DSCAM: variants seen among roughly 807,000 people sequenced by gnomAD.
DSCAM encodes cell adhesion molecule DSCAM.
A neutral mutation model predicts 217.7 loss-of-function variants in DSCAM; 47 were observed. The observed-to-expected ratio is 0.22, with a 90% CI of 0.17 to 0.28. The LOEUF (loss-of-function observed/expected upper bound fraction) is 0.28. Ranked by LOEUF, DSCAM falls within the 10% of genes least tolerant of loss-of-function variation. The pLI is 1.00. For synonymous variants in DSCAM, 1,056 were observed against 1,015.3 expected (o/e 1.04, Z -0.76); for missense variants, 2,080 against 2,618.3 (o/e 0.79, Z 4.49).
At chr21:40,284,827 T>C (rs139491835) in intron 10 of DSCAM, among the ~76,000 whole-genome samples, 15 of 152,320 alleles carry the variant, frequency 9.8e-5, no homozygotes, top group Non-Finnish European at 2.1e-4. Flanking sequence ...ACCGTCCAGG[T>C]TACTTCTTTT....
At chr21:40,637,756 T>C (rs11702117) in intron 3 of DSCAM, among the ~76,000 whole-genome samples, 21,796 of 147,666 alleles carry the variant, frequency 0.15, 1,820 homozygotes, top group African/African-American at 0.21. Flanking sequence ...CACTGCAACC[T>C]TTGTCTCCCA....
intron 3 of DSCAM, among the ~76,000 whole-genome samples, chr21:40,668,578 T>C (rs922157697): frequency 1.3e-5 from 2 of 152,270 alleles, no homozygotes; most frequent in East Asian, 1.9e-4. Context: ...TGGGAGCTCA[T>C]TAGAAATGCA....
chr21:40,029,903 C>A (rs1477983589), intron 32 of DSCAM, among the ~76,000 whole-genome samples: 1 of 152,216 alleles, frequency 6.6e-6, no homozygotes, highest in Admixed American at 6.5e-5. Context: ...CTCTGTTCTG[C>A]ACATCACTAA....
At chr21:40,629,910 T>A (rs1169344284) in intron 3 of DSCAM, among the ~76,000 whole-genome samples, 1 of 152,204 alleles carries the variant, frequency 6.6e-6, no homozygotes, top group Non-Finnish European at 1.5e-5. Flanking sequence ...AAAGAAGTTA[T>A]CTGGTAGCAT....
At chr21:40,786,168 G>A (rs1279265764) in intron 1 of DSCAM, among the ~76,000 whole-genome samples, 1 of 152,016 alleles carries the variant, frequency 6.6e-6, no homozygotes, top group Non-Finnish European at 1.5e-5. Context: ...CCTGGGAGGC[G>A]GAGGTTGTGG....
intron 1 of DSCAM, among the ~76,000 whole-genome samples, chr21:40,792,096 T>G (rs1255186706): frequency 6.6e-6 from 1 of 151,286 alleles, no homozygotes; most frequent in Non-Finnish European, 1.5e-5. Flanking sequence ...CACATGGCCA[T>G]CCCTCTTTGT....
Position 40,075,145 on chromosome 21 carries a change from T to C in DSCAM, c.4780A>G (p.Lys1594Glu), listed in dbSNP as rs1298075649. 5 of 1,614,206 alleles carry C rather than the reference T, an allele frequency of 3.1e-6. No individual in the cohort carries two copies. The South Asian group carries it at 5.5e-5, about 18-fold the overall frequency. ...EEGLTTNEGL[K>E]MLVTISCILV... ...ATACAGGAGATGGTCACCAGCATCT[T>C]GAGCCCCTCGTTGGTCGTCAGCCCT... The change falls in exon 27 of 33, where the codon AAG becomes GAG. Residue 1594 changes from lysine (K) to glutamate (E), a missense_variant. Physicochemically the swap from Lys to Glu is moderately conservative, Grantham distance 56 (BLOSUM62 1). Transcript: ENST00000400454.
chr21:40,376,095 G>A (rs1285768098), intron 3 of DSCAM, among the ~76,000 whole-genome samples: 1 of 152,094 alleles, frequency 6.6e-6, no homozygotes, highest in Non-Finnish European at 1.5e-5. Context: ...TCTTGTTGTT[G>A]TGTTTTTCCT....
intron 16 of DSCAM, among the ~76,000 whole-genome samples, chr21:40,152,348 G>A (rs1438625492): frequency 6.6e-6 from 1 of 152,194 alleles, no homozygotes; most frequent in Non-Finnish European, 1.5e-5. Context: ...CTAAGAGAAG[G>A]TCATGCCTGC....
At position 40,640,982 on chromosome 21, in the gene DSCAM, A is replaced by G. The variant is rs2089870754; in HGVS notation, c.508+51828T>C. On this transcript the variant is annotated intron_variant, in intron 3 of 32. Coordinates refer to ENST00000400454, the MANE Select transcript of DSCAM (RefSeq NM_001389.5). ...TCGGAAAGAAATATAAACAGACAAC[A>G]TTATCTAGTCTATTGTGTTCATGTT... 1.3e-5 allele frequency among the ~76,000 whole-genome samples: 2 copies of G among 152,176 alleles called. 1 individual carries two copies. The highest frequency in any genetic ancestry group is 4.1e-4 in the South Asian group (2 of 4,824).
At chr21:40,097,597 G>T (rs1029654040) in intron 20 of DSCAM, among the ~76,000 whole-genome samples, 2 of 152,102 alleles carry the variant, frequency 1.3e-5, no homozygotes, top group Admixed American at 1.3e-4. Context: ...GGCAAAGATT[G>T]TCAGACCTGA....
In DSCAM at chr21:40,836,372, T is replaced by C. The variant is rs146427040; in HGVS notation, c.43+10247A>G. On this transcript the variant is annotated intron_variant, in intron 1 of 32. Coordinates refer to ENST00000400454, the MANE Select transcript of DSCAM (RefSeq NM_001389.5). The stretch of plus-strand genomic sequence containing the variant: ...AGGAAGAAAAAATGGTGCAAAGAGA[T>C]AGATATTAATACACACAGATGATTC... Among the ~76,000 whole-genome samples, 873 of 152,250 alleles carry C rather than the reference T, an allele frequency of 5.7e-3. 12 individuals carry two copies. Among genetic ancestry groups the C allele is most frequent in the African/African-American group, 0.02 (836 of 41,558 alleles).
At chr21:40,418,238 T>C (rs1461851793) in intron 3 of DSCAM, among the ~76,000 whole-genome samples, 1 of 152,154 alleles carries the variant, frequency 6.6e-6, no homozygotes, top group Admixed American at 6.5e-5. Flanking sequence ...TCTGGAAAAC[T>C]GTCTGGGTGG....
At chr21:40,671,873 T>C (rs1373175677) in intron 3 of DSCAM, among the ~76,000 whole-genome samples, 3 of 151,972 alleles carry the variant, frequency 2.0e-5, no homozygotes, top group Admixed American at 6.6e-5. Context: ...AGCAGAAGGG[T>C]GCTGTATTAG....
chr21:40,118,456 G>A (rs1324382524), intron 20 of DSCAM, among the ~76,000 whole-genome samples: 2 of 152,118 alleles, frequency 1.3e-5, no homozygotes, highest in South Asian at 2.1e-4. Context: ...GTGGGGTGGC[G>A]GGTGCCTGTA....
At chr21:40,228,592 C>T (rs1457371562) in intron 11 of DSCAM, among the ~76,000 whole-genome samples, 1 of 151,730 alleles carries the variant, frequency 6.6e-6, no homozygotes, top group Non-Finnish European at 1.5e-5. Context: ...ATTGATGTAT[C>T]ACCATCATTG....
chr21:40,811,868 T>C (rs763007741), intron 1 of DSCAM, among the ~76,000 whole-genome samples: 1 of 152,198 alleles, frequency 6.6e-6, no homozygotes, highest in Non-Finnish European at 1.5e-5. Context: ...CCACTGGAAG[T>C]CAACTTTGGT....
intron 23 of DSCAM, among the ~76,000 whole-genome samples, 170 bp from the exon 24 acceptor site, chr21:40,084,176 G>C (rs1044845763): frequency 6.6e-6 from 1 of 151,756 alleles, no homozygotes; most frequent in Non-Finnish European, 1.5e-5. Flanking sequence ...TGATATCCTG[G>C]GCTAAAGAGA....
At chr21:40,803,066 C>T (rs931292355) in intron 1 of DSCAM, among the ~76,000 whole-genome samples, 3 of 152,164 alleles carry the variant, frequency 2.0e-5, no homozygotes, top group African/African-American at 7.2e-5. Flanking sequence ...TTTGGAAGTA[C>T]TAAATTTAGG....
Sources: gnomAD v4.1 joint callset for allele counts (sites outside exome capture counted in the v4.1 genomes callset) on GRCh38, gnomAD v4.1.1 for gene constraint, MANE v1.5 for transcripts, NCBI Gene and HGNC (gene_info 2026-07-23, HGNC 2026-07-21) for gene names.